Variants in SPOCK3 observed in about 807,000 individuals in gnomAD.
SPOCK3 encodes testican-3.
In SPOCK3, 30 loss-of-function variants were observed where a neutral mutation model predicts 56.6. The observed-to-expected ratio is 0.53, with a 90% confidence interval of 0.40 to 0.72. The LOEUF is 0.72. SPOCK3 is among the 30% of genes least tolerant of loss of function. The pLI, the probability that SPOCK3 is intolerant of heterozygous loss-of-function variation, is 0.00. For missense variants in SPOCK3, 527 were observed against 530.0 expected, an observed-to-expected ratio of 0.99 and a Z score of 0.06; for synonymous variants, 196 against 183.3, an observed-to-expected ratio of 1.07 and a Z score of -0.56.
chr4:166,894,614 C>T (rs544751834), intron 5 of SPOCK3, among the ~76,000 whole-genome samples: 8 of 152,178 alleles, frequency 5.3e-5, no homozygotes, highest in East Asian at 1.9e-4. Context: ...AGTAAGGACA[C>T]GACAACCCAG....
intron 8 of SPOCK3, among the ~76,000 whole-genome samples, chr4:166,752,153 T>C (rs1736452461): frequency 6.6e-6 from 1 of 151,930 alleles, no homozygotes; most frequent in South Asian, 2.1e-4. Context: ...GATCCCCAAG[T>C]AGCTAGGACT....
intron 10 of SPOCK3, among the ~76,000 whole-genome samples, chr4:166,735,930 A>T (rs1560800562): frequency 1.5e-5 from 2 of 134,034 alleles, no homozygotes. Flanking sequence ...AAAATATTTT[A>T]AAAATAACTA....
intron 6 of SPOCK3, among the ~76,000 whole-genome samples, chr4:166,879,140 C>A (rs1224713681): frequency 1.4e-5 from 2 of 148,016 alleles, no homozygotes; most frequent in Non-Finnish European, 3.0e-5. Flanking sequence ...ATGGAGAAGG[C>A]AGAAAGACTA....
chr4:166,968,738 A>T (rs1413070077), intron 4 of SPOCK3, among the ~76,000 whole-genome samples: 2 of 152,164 alleles, frequency 1.3e-5, no homozygotes, highest in Non-Finnish European at 2.9e-5. Flanking sequence ...CACAGGGGAA[A>T]TGTGGGGTTG....
At chr4:167,033,442 A>G (rs552266228) in intron 3 of SPOCK3, among the ~76,000 whole-genome samples, 5 of 150,956 alleles carry the variant, frequency 3.3e-5, no homozygotes, top group Admixed American at 3.3e-4. Context: ...ATATGGCCAA[A>G]GTAAAGTTCT....
chr4:166,992,311 T>C (rs2150113512), intron 4 of SPOCK3, among the ~76,000 whole-genome samples: 1 of 152,276 alleles, frequency 6.6e-6, no homozygotes, highest in East Asian at 1.9e-4. Flanking sequence ...TCATAAGCGT[T>C]AAATTTTAAA....
intron 3 of SPOCK3, among the ~76,000 whole-genome samples, chr4:167,021,798 C>G (rs147168435): frequency 7.8e-4 from 118 of 152,090 alleles, no homozygotes; most frequent in African/African-American, 2.7e-3. Flanking sequence ...ACAAATGAAC[C>G]CACGGAGTTC....
intron 2 of SPOCK3, among the ~76,000 whole-genome samples, chr4:167,106,516 G>A (rs1300290792): frequency 6.6e-6 from 1 of 151,626 alleles, no homozygotes; most frequent in African/African-American, 2.4e-5. Context: ...ATAAATATAA[G>A]TGCCTACATC....
chr4:167,216,304 C>T (rs755563620), intron 2 of SPOCK3, among the ~76,000 whole-genome samples: 1 of 151,900 alleles, frequency 6.6e-6, no homozygotes, highest in South Asian at 2.1e-4. Context: ...TATATACAAT[C>T]CTGTTCTGTA....
At chr4:166,929,279 T>C (rs540601143) in intron 4 of SPOCK3, among the ~76,000 whole-genome samples, 80 of 152,260 alleles carry the variant, frequency 5.3e-4, no homozygotes, top group Non-Finnish European at 1.1e-3. Context: ...AGAATACTAG[T>C]TTAGGGGTAA....
chr4:166,808,468 C>T (rs1743412920), intron 6 of SPOCK3, among the ~76,000 whole-genome samples: 1 of 151,906 alleles, frequency 6.6e-6, no homozygotes, highest in African/African-American at 2.4e-5. Context: ...CTCTCTCTCT[C>T]TCTGCCATGT....
intron 2 of SPOCK3, among the ~76,000 whole-genome samples, chr4:167,065,032 C>T (rs1235954890): frequency 4.6e-5 from 2 of 43,036 alleles, no homozygotes; most frequent in African/African-American, 1.2e-4. Context: ...ATCCAATGCC[C>T]TCTCCAAAAA....
chr4:166,765,905 C>A (rs143863381), intron 7 of SPOCK3, among the ~76,000 whole-genome samples: 1 of 151,860 alleles, frequency 6.6e-6, no homozygotes, highest in Non-Finnish European at 1.5e-5. Context: ...TCCTTCACAT[C>A]CCTTTTAAGT....
rs544834190 is a variant in SPOCK3 at position 166,852,479 on chromosome 4, C to T, written c.589+36651G>A. On this transcript the variant is annotated intron_variant, in intron 6 of 10. Coordinates refer to ENST00000357545, the MANE Select transcript of SPOCK3 (RefSeq NM_001040159.2). The stretch of plus-strand genomic sequence containing the variant: ...TTCTTCACTAAGAGTTAAACAGAAA[C>T]GAACCCTTTGGAAAGACCTGTACCA... 1.6e-4 allele frequency among the ~76,000 whole-genome samples: 25 copies of T among 152,170 alleles called. 1 individual carries two copies. Among genetic ancestry groups the T allele is most frequent in the African/African-American group, 4.1e-4 (17 of 41,528 alleles).
intron 2 of SPOCK3, among the ~76,000 whole-genome samples, chr4:167,222,818 TATATAAAC>T (rs1736118421): frequency 1.6e-5 from 2 of 124,800 alleles, no homozygotes; most frequent in Non-Finnish European, 3.2e-5. Flanking sequence ...AATATATAAA[TATATAAAC>T]ATAGATATAT....
chr4:167,072,696 C>A (rs150218049), intron 2 of SPOCK3, among the ~76,000 whole-genome samples: 49 of 151,932 alleles, frequency 3.2e-4, no homozygotes, highest in Non-Finnish European at 5.0e-4. Context: ...TTCTGACCAT[C>A]AGTATCTCAT....
intron 4 of SPOCK3, among the ~76,000 whole-genome samples, chr4:166,984,651 A>T (rs1052059208): frequency 2.6e-5 from 4 of 152,204 alleles, no homozygotes; most frequent in African/African-American, 9.6e-5. Context: ...ATAAACAGGG[A>T]CAAGGTAAGA....
At chr4:166,897,816 G>A (rs1735550614) in intron 5 of SPOCK3, among the ~76,000 whole-genome samples, 1 of 152,150 alleles carries the variant, frequency 6.6e-6, no homozygotes, top group African/African-American at 2.4e-5. Flanking sequence ...GACCATATTA[G>A]AAGACCTAGT....
chr4:167,116,086 A>C (rs1423662916), intron 2 of SPOCK3, among the ~76,000 whole-genome samples: 1 of 152,012 alleles, frequency 6.6e-6, no homozygotes, highest in African/African-American at 2.4e-5. Flanking sequence ...GGCTTTAATA[A>C]CATCTCATGG....
Sources: allele counts gnomAD v4.1 joint callset (sites outside exome capture counted in the v4.1 genomes callset), GRCh38; gene constraint gnomAD v4.1.1; transcripts MANE v1.5; gene names NCBI Gene and HGNC (gene_info 2026-07-23, HGNC 2026-07-21).